ZFHX4: variants seen among roughly 807,000 people sequenced by gnomAD.
ZFHX4 encodes the protein zinc finger homeobox 4.
Under a neutral mutation model 267.6 loss-of-function variants are expected in ZFHX4, and 56 were observed. The observed-to-expected ratio is 0.21, with a 90% CI of 0.17 to 0.26. The LOEUF is 0.26. Among genes scored for constraint, ZFHX4 ranks in the 10% least tolerant of loss-of-function variants. The probability of loss-of-function intolerance (pLI) is 1.00; values close to 1 mark genes in which losing one functional copy is unlikely to be tolerated. For synonymous variants in ZFHX4, 1,778 were observed against 1,665.6 expected (o/e 1.07, Z -1.64); for missense variants, 4,332 against 4,420.0 (o/e 0.98, Z 0.56).
Position 76,855,684 on chromosome 8 carries a change from C to T in ZFHX4, c.8763C>T (p.Ser2921=). 6.2e-7 allele frequency: 1 copy of T among 1,613,824 alleles called. No homozygotes were observed. The highest frequency in any genetic ancestry group is 8.5e-7 in the Non-Finnish European group (1 of 1,179,840). ...NPFGSSNPFK[S]KSNDRPGHKR... ...TCGGATCCAGCAATCCCTTTAAATC[C>T]AAAAGTAATGATCGGCCGGGTCACA... The change falls in exon 10 of 11, where the codon TCC becomes TCT. Residue 2921 remains serine (S), a synonymous_variant. Transcript: ENST00000651372.
At chr8:76,785,408 T>C (rs1247362394) in intron 4 of ZFHX4, among the ~76,000 whole-genome samples, 2 of 152,122 alleles carry the variant, frequency 1.3e-5, no homozygotes, top group African/African-American at 4.8e-5. Context: ...GTGGTAAAAT[T>C]TTAGCTGCAG....
rs529488460 is a variant in ZFHX4, at chr8:76,852,191, C to T, written c.5270C>T (p.Pro1757Leu). The T allele has an allele frequency of 6.2e-7, 1 of 1,613,854 alleles. No individual in the cohort carries two copies. The highest frequency in any genetic ancestry group is 1.3e-5 in the African/African-American group (1 of 75,030). ...EFSLGPDLGL[P>L]GSATFGMPGM... ...AGCTTGGGGCCAGATTTGGGCTTGC[C>T]AGGCTCTGCCACATTTGGGATGCCT... The change falls in exon 10 of 11, where the codon CCA (proline) becomes CTA (leucine). Residue 1757 changes from proline (P) to leucine (L), a missense_variant. Transcript: ENST00000651372.
chr8:76,833,895 C>A (rs528565664), intron 5 of ZFHX4, among the ~76,000 whole-genome samples: 1 of 152,194 alleles, frequency 6.6e-6, no homozygotes, highest in South Asian at 2.1e-4. Flanking sequence ...TCATTGTTTC[C>A]ACCTCCTTGA....
At chr8:76,774,086 C>T (rs1810342714) in intron 3 of ZFHX4, among the ~76,000 whole-genome samples, 1 of 152,124 alleles carries the variant, frequency 6.6e-6, no homozygotes, top group African/African-American at 2.4e-5. Context: ...CATCCAAGTT[C>T]TGGACTCCAA....
chr8:76,731,914 A>G (rs1809024984), intron 3 of ZFHX4, among the ~76,000 whole-genome samples: 2 of 150,008 alleles, frequency 1.3e-5, no homozygotes, highest in African/African-American at 2.4e-5. Context: ...AGCTCGCTCT[A>G]TCACCCAAGC....
chr8:76,858,422 G>A (rs964823510), intron 10 of ZFHX4, among the ~76,000 whole-genome samples: 22 of 152,102 alleles, frequency 1.4e-4, no homozygotes, highest in South Asian at 2.1e-4. Context: ...TTATTAAATC[G>A]TGGACTGAAA....
At chr8:76,857,825 T>G (rs937681136) in intron 10 of ZFHX4, among the ~76,000 whole-genome samples, 2 of 150,280 alleles carry the variant, frequency 1.3e-5, no homozygotes, top group African/African-American at 4.9e-5. Context: ...GTTTGAAGAA[T>G]AATGCAATGA....
intron 1 of ZFHX4, among the ~76,000 whole-genome samples, chr8:76,699,248 G>T (rs1808038350): frequency 6.6e-6 from 1 of 152,140 alleles, no homozygotes; most frequent in Admixed American, 6.6e-5. Context: ...ATGTGCTTTT[G>T]TTAAGTTATT....
chr8:76,700,113 A>T (rs577567048), intron 1 of ZFHX4, among the ~76,000 whole-genome samples: 9 of 152,194 alleles, frequency 5.9e-5, no homozygotes, highest in African/African-American at 2.2e-4. Context: ...TAATTCAAGG[A>T]TTTTTATTTA....
intron 3 of ZFHX4, among the ~76,000 whole-genome samples, chr8:76,708,766 A>G (rs927717613): frequency 6.6e-6 from 1 of 152,284 alleles, no homozygotes; most frequent in African/African-American, 2.4e-5. Flanking sequence ...TTATTACAGA[A>G]CTTGTCTTGA....
intron 1 of ZFHX4, among the ~76,000 whole-genome samples, chr8:76,692,525 C>G (rs1297034000): frequency 1.3e-5 from 2 of 152,024 alleles, no homozygotes; most frequent in South Asian, 2.1e-4. Context: ...TATTTTACAG[C>G]CAACTTATGG....
At chr8:76,762,922 G>T (rs1457772559) in intron 3 of ZFHX4, among the ~76,000 whole-genome samples, 1 of 152,180 alleles carries the variant, frequency 6.6e-6, no homozygotes, top group East Asian at 1.9e-4. Flanking sequence ...GAAGCAAAGA[G>T]ATATTATTCT....
chr8:76,738,952 C>A (rs182317470), intron 3 of ZFHX4, among the ~76,000 whole-genome samples: 30 of 151,972 alleles, frequency 2.0e-4, no homozygotes, highest in Admixed American at 1.2e-3. Context: ...TGGGCTCAAG[C>A]GATTCACCTG....
chr8:76,727,110 G>A (rs1198050685), intron 3 of ZFHX4, among the ~76,000 whole-genome samples: 3 of 152,022 alleles, frequency 2.0e-5, no homozygotes, highest in Non-Finnish European at 2.9e-5. Flanking sequence ...CCTATCCAAG[G>A]TCAAGCTGAC....
intron 4 of ZFHX4, among the ~76,000 whole-genome samples, chr8:76,826,955 G>A (rs867816779): frequency 5.3e-5 from 8 of 152,234 alleles, no homozygotes; most frequent in African/African-American, 1.4e-4. Flanking sequence ...ATTATTGGGT[G>A]GAAGAGGGAT....
intron 3 of ZFHX4, among the ~76,000 whole-genome samples, chr8:76,726,492 T>C (rs1317763751): frequency 6.6e-6 from 1 of 152,198 alleles, no homozygotes; most frequent in African/African-American, 2.4e-5. Context: ...GAATATTAGA[T>C]TAAATATCTG....
chr8:76,719,830 G>A (rs1808672383), intron 3 of ZFHX4, among the ~76,000 whole-genome samples: 1 of 152,128 alleles, frequency 6.6e-6, no homozygotes, highest in African/African-American at 2.4e-5. Flanking sequence ...CAATATTGAA[G>A]TATGCAGTTC....
chr8:76,837,698 A>G (rs1812128796), intron 5 of ZFHX4, among the ~76,000 whole-genome samples: 1 of 152,124 alleles, frequency 6.6e-6, no homozygotes, highest in Admixed American at 6.6e-5. Context: ...TGCTTTTGGC[A>G]CAAAGATGGA....
chr8:76,779,797 A>C (rs1419128331), intron 4 of ZFHX4, among the ~76,000 whole-genome samples: 2 of 152,122 alleles, frequency 1.3e-5, no homozygotes, highest in Non-Finnish European at 2.9e-5. Flanking sequence ...AGAGACCAGC[A>C]ATCACGAACC....
Sources: gnomAD v4.1 joint callset for allele counts (sites outside exome capture counted in the v4.1 genomes callset) on GRCh38, gnomAD v4.1.1 for gene constraint, MANE v1.5 for transcripts, NCBI Gene and HGNC (gene_info 2026-07-23, HGNC 2026-07-21) for gene names.